The following ANK3 variants were observed in gnomAD, a reference collection of about 807,000 sequenced individuals.
ANK3 encodes the protein ankyrin-3.
Under a neutral mutation model 370.9 loss-of-function variants are expected in ANK3, and 57 were observed. The ratio of observed to expected loss-of-function variants is 0.15; its 90% confidence interval spans 0.12 to 0.19. The LOEUF is 0.19. Among genes scored for constraint, ANK3 ranks in the 10% least tolerant of loss-of-function variants. The pLI, the probability that ANK3 is intolerant of heterozygous loss-of-function variation, is 1.00. For synonymous variants in ANK3, 1,929 were observed against 1,946.3 expected, an observed-to-expected ratio of 0.99 and a Z score of 0.23; for missense variants, 4,439 against 5,302.1, an observed-to-expected ratio of 0.84 and a Z score of 5.06.
intron 2 of ANK3, among the ~76,000 whole-genome samples, chr10:60,598,577 G>C (rs886782636): frequency 2.0e-5 from 3 of 152,154 alleles, no homozygotes; most frequent in African/African-American, 7.2e-5. Flanking sequence ...TTTGATATAA[G>C]TCAAAATGTC....
intron 1 of ANK3, among the ~76,000 whole-genome samples, chr10:60,698,643 A>G: frequency 6.8e-6 from 1 of 148,098 alleles, no homozygotes; most frequent in Non-Finnish European, 1.5e-5. Flanking sequence ...TCAGTAAACT[A>G]TCGCAAGAAC....
chr10:60,611,021 A>C (rs1203865741), intron 2 of ANK3, among the ~76,000 whole-genome samples: 1 of 152,194 alleles, frequency 6.6e-6, no homozygotes, highest in Non-Finnish European at 1.5e-5. Context: ...CAGTTAACTA[A>C]AGTGATCATT....
intron 2 of ANK3, among the ~76,000 whole-genome samples, chr10:60,509,467 T>C (rs1203220991): frequency 6.6e-6 from 1 of 152,140 alleles, no homozygotes; most frequent in Non-Finnish European, 1.5e-5. Flanking sequence ...TGTTCAAGAA[T>C]GGCAAAGCTA....
chr10:60,211,892 C>CAAAAAAAAAAAAAG (rs2096860800), intron 9 of ANK3, among the ~76,000 whole-genome samples: 1 of 93,400 alleles, frequency 1.1e-5, no homozygotes, highest in Non-Finnish European at 2.0e-5. Flanking sequence ...AATACAGAGC[C>CAAAAAAAAAAAAAG]AAAAAAAAAA....
chr10:60,261,606 T>C (rs928404029), intron 7 of ANK3, among the ~76,000 whole-genome samples: 30 of 152,336 alleles, frequency 2.0e-4, no homozygotes, highest in African/African-American at 6.0e-4. Context: ...AATCACATCT[T>C]CTATATATGC....
intron 1 of ANK3, among the ~76,000 whole-genome samples, chr10:60,361,067 G>A (rs1327463029): frequency 6.6e-6 from 1 of 152,090 alleles, no homozygotes; most frequent in Non-Finnish European, 1.5e-5. Context: ...AACTCATGCA[G>A]GTTTTTATCA....
At chr10:60,151,551 C>T (rs989430286) in intron 23 of ANK3, among the ~76,000 whole-genome samples, 1 of 151,900 alleles carries the variant, frequency 6.6e-6, no homozygotes, top group Non-Finnish European at 1.5e-5. Flanking sequence ...TTACCAGAAG[C>T]AGATGGATGG....
rs147598808 is a variant in ANK3 at position 60,445,262 on chromosome 10, C to T, written c.97-165623G>A. On this transcript the variant is annotated intron_variant, in intron 2 of 43. Coordinates refer to the ANK3 transcript ENST00000373827. ...AAAAATAGCCAGGCATGGTGGTGCA[C>T]GCCTGTAGTCCCAGCTACTTGGGAG... is the stretch of plus-strand genomic sequence containing the variant. 4.0e-3 allele frequency among the ~76,000 whole-genome samples: 614 copies of T among 151,982 alleles called. 2 individuals are homozygous for T. Among genetic ancestry groups the T allele is most frequent in the African/African-American group, 0.013 (558 of 41,454 alleles).
chr10:60,228,545 A>AT (rs2097197926), intron 8 of ANK3, among the ~76,000 whole-genome samples: 1 of 151,914 alleles, frequency 6.6e-6, no homozygotes, highest in Non-Finnish European at 1.5e-5. Context: ...AAAAAAAAAA[A>AT]AAAAAGATTT....
chr10:60,651,156 C>T (rs1210024288), intron 1 of ANK3, among the ~76,000 whole-genome samples: 2 of 152,128 alleles, frequency 1.3e-5, no homozygotes, highest in Non-Finnish European at 2.9e-5. Context: ...AATGTGTACA[C>T]ACACGCACAC....
At position 60,200,287 on chromosome 10, in the gene ANK3, T is replaced by C. The variant is rs759861090; in HGVS notation, c.1393-60A>G. The C allele has an allele frequency of 2.2e-6, 3 of 1,350,142 alleles. No homozygotes were observed. In the African/African-American group the frequency reaches 4.3e-5, roughly 19 times the overall value. 83.6% of individuals were successfully genotyped at this position (1,350,142 alleles called of 1,614,324 possible). On this transcript the variant is annotated intron_variant, in intron 12 of 43. Transcript: ENST00000280772. Reference sequence around the variant, plus strand: ...CTCTGAAGAAGAGTAGTGTATTTTATTTGGCATAAAGCTTATGATGGACTT... The same window carrying C: ...CTCTGAAGAAGAGTAGTGTATTTTACTTGGCATAAAGCTTATGATGGACTT...
chr10:60,502,882 AAGAAAGAG>A (rs2075840605), intron 2 of ANK3, among the ~76,000 whole-genome samples: 1 of 124,238 alleles, frequency 8.0e-6, no homozygotes, highest in Admixed American at 7.7e-5. Flanking sequence ...TAAAGAGGGA[AAGAAAGAG>A]AGAAAGAGAA....
chr10:60,036,313 A>C (rs1258322539), intron 43 of ANK3, among the ~76,000 whole-genome samples: 2 of 151,498 alleles, frequency 1.3e-5, no homozygotes, highest in African/African-American at 4.9e-5. Context: ...AAGCTCTTCA[A>C]GGTTCTATTC....
intron 26 of ANK3, 85 bp downstream of exon 26, chr10:60,114,140 C>T: frequency 1.6e-6 from 1 of 606,506 alleles, no homozygotes; most frequent in South Asian, 2.9e-5. Flanking sequence ...ATATATGAAG[C>T]TTGTTGATGT....
intron 1 of ANK3, among the ~76,000 whole-genome samples, chr10:60,309,246 C>T (rs759287055): frequency 1.3e-5 from 2 of 152,104 alleles, no homozygotes; most frequent in African/African-American, 4.8e-5. Flanking sequence ...TATTTCTTGA[C>T]GATCAAACTG....
rs1340520541 is a variant in ANK3, at chr10:60,074,959, G to A, written c.5922C>T (p.Pro1974=). 1.2e-6 allele frequency: 2 copies of A among 1,613,704 alleles called. No homozygotes were observed. Among genetic ancestry groups the A allele is most frequent in the Admixed American group, 1.7e-5 (1 of 59,968 alleles). ...KDVCVDNKGS[P]KSPKSDKGHS... is the part of the protein sequence containing the mutation. ...GTCCTTTGTCACTCTTTGGTGATTT[G>A]GGTGATCCTTTATTATCTACACATA... The change falls in exon 37 of 44, where the codon CCC becomes CCT. Residue 1974 remains proline (P), a synonymous_variant. Coordinates refer to ENST00000280772, the MANE Select transcript of ANK3 (RefSeq NM_020987.5).
chr10:60,595,379 G>C (rs958472227), intron 2 of ANK3, among the ~76,000 whole-genome samples: 1 of 152,094 alleles, frequency 6.6e-6, no homozygotes, highest in African/African-American at 2.4e-5. Flanking sequence ...ATGCTGATTG[G>C]TTATGTTGAA....
At chr10:60,684,455 G>A in intron 1 of ANK3, 2 of 1,100,788 alleles carry the variant, frequency 1.8e-6, no homozygotes, top group Non-Finnish European at 2.6e-6. Context: ...GAAGTCCTAA[G>A]GCAAGAAGTA....
chr10:60,032,619 C>A lies in ANK3; in HGVS notation c.*20-2793G>T, dbSNP rs2073954466. Reference sequence around the variant, plus strand: ...GTTAATTTCGTAATGAGTAGCAAGGCCTTTCTCTTCTCACCTCAATCCAAG... The same window carrying A: ...GTTAATTTCGTAATGAGTAGCAAGGACTTTCTCTTCTCACCTCAATCCAAG... On this transcript the variant is annotated intron_variant, in intron 43 of 43. Transcript: ENST00000280772. Among the ~76,000 whole-genome samples, 5 of 152,238 alleles carry A rather than the reference C, an allele frequency of 3.3e-5. No homozygotes were observed. The South Asian group carries it at 1.0e-3, about 32-fold the overall frequency.
Sources: allele counts gnomAD v4.1 joint callset (sites outside exome capture counted in the v4.1 genomes callset), GRCh38; gene constraint gnomAD v4.1.1; transcripts MANE v1.5; gene names NCBI Gene and HGNC (gene_info 2026-07-23, HGNC 2026-07-21).